Variants in KAT6B observed in about 807,000 individuals in gnomAD.
The protein encoded by KAT6B is lysine acetyltransferase 6B.
A neutral mutation model predicts 187.5 loss-of-function variants in KAT6B; 10 were observed. The ratio of observed to expected loss-of-function variants is 0.05; its 90% CI spans 0.03 to 0.09. The LOEUF is 0.09. Ranked by LOEUF, KAT6B falls within the 10% of genes least tolerant of loss-of-function variation. The pLI is 1.00. For synonymous variants in KAT6B, 861 were observed against 926.8 expected (o/e 0.93, Z 1.29); for missense variants, 1,952 against 2,558.9 (o/e 0.76, Z 5.12).
chr10:74,905,922 C>T (rs1846727541), intron 3 of KAT6B, among the ~76,000 whole-genome samples: 1 of 152,136 alleles, frequency 6.6e-6, no homozygotes, highest in African/African-American at 2.4e-5. Flanking sequence ...AAAGTGTATG[C>T]TGTTGTTGCC....
At chr10:74,831,590 G>T (rs1297096724) in intron 1 of KAT6B, among the ~76,000 whole-genome samples, 1 of 152,166 alleles carries the variant, frequency 6.6e-6, no homozygotes, top group African/African-American at 2.4e-5. Flanking sequence ...AGAGCCAGGT[G>T]CTGACTTCTC....
chr10:74,854,673 A>G (rs946326640), intron 3 of KAT6B, among the ~76,000 whole-genome samples: 1 of 152,094 alleles, frequency 6.6e-6, no homozygotes, highest in South Asian at 2.1e-4. Context: ...TTTAGCCACT[A>G]TTTTTTAGAA....
Position 74,982,181 on chromosome 10 carries a change from A to G in KAT6B, c.2373+253A>G, listed in dbSNP as rs144726837. 7.0e-4 allele frequency: 314 copies of G among 448,662 alleles called. 2 individuals are homozygous for G. The highest frequency in any genetic ancestry group is 5.6e-3 in the African/African-American group (284 of 50,390). The allele number at this position is 448,662 out of a possible 1,614,324, so 27.8% of individuals were successfully genotyped here. A position where few individuals can be genotyped will look rare whatever the true frequency, so the allele number is the denominator to read the frequency against. On this transcript the variant is annotated intron_variant, in intron 11 of 17. Transcript: ENST00000287239. ...TCCCCAAAATCCCTGTCTACACTAGATATATTCACCATGAATTTATGATCT... is the reference window on the plus strand; with the variant it reads ...TCCCCAAAATCCCTGTCTACACTAGGTATATTCACCATGAATTTATGATCT...
chr10:74,906,842 C>A (rs188402461), intron 3 of KAT6B, among the ~76,000 whole-genome samples: 1 of 152,130 alleles, frequency 6.6e-6, no homozygotes, highest in South Asian at 2.1e-4. Context: ...CTGGAGCGTC[C>A]GCCTCTGGAG....
In KAT6B at chr10:75,009,265, C is replaced by T. The variant is rs536168661; in HGVS notation, c.2630-11317C>T. On this transcript the variant is annotated intron_variant, in intron 13 of 17. Coordinates refer to ENST00000287239, the MANE Select transcript of KAT6B (RefSeq NM_012330.4). ...TTGTGGTTCTTGTGTTCAGCAGTTG[C>T]ATACCAGCTAACAAATTAAACTCCC... 2.0e-5 allele frequency among the ~76,000 whole-genome samples: 3 copies of T among 152,310 alleles called. No homozygotes were observed. In the East Asian group the frequency reaches 5.8e-4, roughly 29 times the overall value.
At chr10:74,967,891 C>T (rs1589723177) in intron 4 of KAT6B, among the ~76,000 whole-genome samples, 2 of 152,030 alleles carry the variant, frequency 1.3e-5, no homozygotes, top group Non-Finnish European at 2.9e-5. Context: ...TCACAAAGTA[C>T]AAAAGCAGAT....
At chr10:74,986,944 G>T (rs1224950442) in intron 12 of KAT6B, among the ~76,000 whole-genome samples, 1 of 152,120 alleles carries the variant, frequency 6.6e-6, no homozygotes, top group African/African-American at 2.4e-5. Context: ...TGTAGAGTTG[G>T]TGGTGATTCT....
intron 13 of KAT6B, among the ~76,000 whole-genome samples, chr10:75,001,816 C>T (rs1005514704): frequency 6.6e-6 from 1 of 151,986 alleles, no homozygotes; most frequent in African/African-American, 2.4e-5. Context: ...TTTAGAAGTC[C>T]AGTTGGTTGG....
chr10:74,951,639 A>G (rs1167626691), intron 3 of KAT6B, among the ~76,000 whole-genome samples: 1 of 152,190 alleles, frequency 6.6e-6, no homozygotes, highest in Non-Finnish European at 1.5e-5. Context: ...TTTCCTCCCA[A>G]CTGATTTTAA....
intron 1 of KAT6B, among the ~76,000 whole-genome samples, chr10:74,827,716 A>C (rs1840375401): frequency 6.6e-6 from 1 of 151,930 alleles, no homozygotes; most frequent in Non-Finnish European, 1.5e-5. Context: ...AAGTGGGTGG[A>C]GCTGTACAGT....
intron 4 of KAT6B, among the ~76,000 whole-genome samples, chr10:74,966,180 G>A (rs1841454957): frequency 2.0e-5 from 3 of 152,192 alleles, no homozygotes; most frequent in Admixed American, 2.0e-4. Flanking sequence ...GCCTGTGATA[G>A]CAGGTGGAGT....
chr10:74,878,556 G>A (rs1176188772), intron 3 of KAT6B, among the ~76,000 whole-genome samples: 1 of 149,750 alleles, frequency 6.7e-6, no homozygotes, highest in African/African-American at 2.5e-5. Context: ...GGAGGTGGAG[G>A]TTGCAGTGAG....
At chr10:75,015,387 AATG>A (rs1844908345) in intron 13 of KAT6B, among the ~76,000 whole-genome samples, 1 of 152,216 alleles carries the variant, frequency 6.6e-6, no homozygotes, top group African/African-American at 2.4e-5. Context: ...GTTCTCTTAA[AATG>A]ATGTGAGAAC....
In KAT6B at chr10:74,959,981, T is replaced by C; in HGVS notation, c.633T>C (p.Asp211=). 1.2e-6 allele frequency: 2 copies of C among 1,609,110 alleles called. No homozygotes were observed. Among genetic ancestry groups the C allele is most frequent in the South Asian group, 2.2e-5 (2 of 90,960 alleles). ...LPHEKDQPRA[D]PIPICSFCLG... ...TAATTTTGTCATAGCCCCGTGCTGA[T>C]CCCATTCCAATATGTAGCTTCTGTT... is the stretch of plus-strand genomic sequence containing the variant. Residue 211 remains aspartate, a synonymous_variant, in exon 4 of 18, where the codon GAT becomes GAC. Transcript: ENST00000287239.
intron 3 of KAT6B, among the ~76,000 whole-genome samples, chr10:74,872,463 C>T (rs1373952186): frequency 6.6e-6 from 1 of 152,154 alleles, no homozygotes. Context: ...GCAACCTCTG[C>T]CTCCAAGGCT....
At chr10:74,976,672 A>C (rs1287768130) in intron 8 of KAT6B, 1 of 381,776 alleles carries the variant, frequency 2.6e-6, no homozygotes, top group African/African-American at 2.1e-5. Context: ...CCCCCATGTC[A>C]CCTCTGCAGC....
chr10:75,006,653 G>T (rs1369373088), intron 13 of KAT6B, among the ~76,000 whole-genome samples: 3 of 152,076 alleles, frequency 2.0e-5, no homozygotes, highest in Non-Finnish European at 4.4e-5. Flanking sequence ...TGTTGTCCAG[G>T]CTGGTCTTGA....
At chr10:74,860,908 C>T (rs1394764833) in intron 3 of KAT6B, among the ~76,000 whole-genome samples, 3 of 152,108 alleles carry the variant, frequency 2.0e-5, no homozygotes, top group South Asian at 2.1e-4. Context: ...GAGGCTGAGG[C>T]GAGTGGATCA....
At chr10:74,882,438 A>T (rs1195348332) in intron 3 of KAT6B, among the ~76,000 whole-genome samples, 2 of 152,252 alleles carry the variant, frequency 1.3e-5, no homozygotes, top group Non-Finnish European at 2.9e-5. Context: ...GTAAAAAAGA[A>T]ATGTGACATT....
Sources: gnomAD v4.1 joint callset for allele counts (sites outside exome capture counted in the v4.1 genomes callset) on GRCh38, gnomAD v4.1.1 for gene constraint, MANE v1.5 for transcripts, NCBI Gene and HGNC (gene_info 2026-07-23, HGNC 2026-07-21) for gene names.